The following GSTA3 variants were observed in gnomAD, a reference collection of about 807,000 sequenced individuals.
The protein encoded by GSTA3 is glutathione S-transferase alpha 3, also known as glutathione S-transferase A3.
In GSTA3, 16 loss-of-function variants were observed where a neutral mutation model predicts 23.1. The observed-to-expected ratio is 0.69, with a 90% confidence interval of 0.47 to 1.05. The LOEUF (loss-of-function observed/expected upper bound fraction) is 1.05. GSTA3 is among the 50% of genes least tolerant of loss of function. The pLI, the probability that GSTA3 is intolerant of heterozygous loss-of-function variation, is 0.00. For synonymous variants in GSTA3, 122 were observed against 91.0 expected (o/e 1.34, Z -1.94); for missense variants, 319 against 263.6 (o/e 1.21, Z -1.46).
At chr6:52,904,173 A>C (rs539563028) in intron 2 of GSTA3, among the ~76,000 whole-genome samples, 1 of 151,818 alleles carries the variant, frequency 6.6e-6, no homozygotes, top group South Asian at 2.1e-4. Context: ...TCTATTTTGT[A>C]GTGCTGGGGT....
intron 2 of GSTA3, among the ~76,000 whole-genome samples, chr6:52,904,580 A>G (rs1234797132): frequency 6.6e-6 from 1 of 152,166 alleles, no homozygotes; most frequent in Non-Finnish European, 1.5e-5. Context: ...GGGGCGCGCT[A>G]GAAGTTCCTT....
chr6:52,903,402 A>G (rs1160981462), intron 3 of GSTA3, among the ~76,000 whole-genome samples: 2 of 149,310 alleles, frequency 1.3e-5, no homozygotes, highest in Non-Finnish European at 3.0e-5. Context: ...CCTGGCTAAC[A>G]CGATGAAACC....
chr6:52,908,273 G>T (rs960583806), intron 1 of GSTA3, among the ~76,000 whole-genome samples: 4 of 151,436 alleles, frequency 2.6e-5, no homozygotes, highest in Non-Finnish European at 5.9e-5. Flanking sequence ...TATAATCCCA[G>T]CACTTCGGAA....
At position 52,905,778 on chromosome 6, in the gene GSTA3, G is replaced by T; in HGVS notation, c.57C>A (p.Ile19=). Residue 19 remains isoleucine, a synonymous_variant, in exon 2 of 7, where the codon ATC becomes ATA. Transcript: ENST00000211122. ...CTCCAGCTGCAGCCAAGAGCCACCGGATGGGCTCCATTCTGCCCCGTCCAT... is the reference window on the plus strand; with the variant it reads ...CTCCAGCTGCAGCCAAGAGCCACCGTATGGGCTCCATTCTGCCCCGTCCAT... ...YFNGRGRMEP[I]RWLLAAAGVE... is the part of the protein sequence containing the mutation. The T allele has an allele frequency of 6.2e-7, 1 of 1,609,720 alleles. No individual in the cohort carries two copies.
At chr6:52,897,353 T>C (rs1259608785) in intron 6 of GSTA3, among the ~76,000 whole-genome samples, 2 of 152,254 alleles carry the variant, frequency 1.3e-5, no homozygotes, top group African/African-American at 4.8e-5. Context: ...CAGTGAGAGA[T>C]ACAGGGTTGG....
chr6:52,902,591 C>T (rs2127359717), intron 3 of GSTA3, 113 bp from the exon 4 acceptor site: 1 of 1,102,748 alleles, frequency 9.1e-7, no homozygotes, highest in East Asian at 2.4e-5. Context: ...GAAATTATTG[C>T]CTGCTAACCT....
chr6:52,909,280 T>C (rs1321865876), intron 1 of GSTA3, among the ~76,000 whole-genome samples: 2 of 152,340 alleles, frequency 1.3e-5, no homozygotes, highest in East Asian at 3.9e-4. Context: ...TGTTGACTCC[T>C]GTGAATCACA....
intron 1 of GSTA3, among the ~76,000 whole-genome samples, chr6:52,906,532 T>G (rs995686815): frequency 2.6e-5 from 4 of 152,188 alleles, no homozygotes; most frequent in African/African-American, 9.7e-5. Flanking sequence ...AGAACAAAGC[T>G]GGAGGCATCA....
At chr6:52,908,496 C>A (rs1330726632) in intron 1 of GSTA3, among the ~76,000 whole-genome samples, 1 of 152,014 alleles carries the variant, frequency 6.6e-6, no homozygotes, top group Non-Finnish European at 1.5e-5. Flanking sequence ...GCCTGGGTGA[C>A]AGAATGAGAC....
chr6:52,899,170 C>T (rs189315309), intron 5 of GSTA3, among the ~76,000 whole-genome samples: 131 of 151,934 alleles, frequency 8.6e-4, no homozygotes, highest in African/African-American at 3.1e-3. Context: ...AGCAGGTGAT[C>T]GGAATGAGTC....
intron 3 of GSTA3, among the ~76,000 whole-genome samples, chr6:52,902,857 C>A (rs964504846): frequency 6.6e-6 from 1 of 152,136 alleles, no homozygotes; most frequent in Non-Finnish European, 1.5e-5. Flanking sequence ...TGTTCATGGC[C>A]TTTAAAGTAG....
rs1206084409 is a variant in GSTA3 at position 52,902,455 on chromosome 6, C to T, written c.163G>A (p.Val55Ile). 6.2e-7 allele frequency: 1 copy of T among 1,610,992 alleles called. No homozygotes were observed. The highest frequency in any genetic ancestry group is 1.1e-5 in the South Asian group (1 of 89,754). Residue 55 changes from valine to isoleucine, a missense_variant, in exon 4 of 7, where the codon GTA becomes ATA. Coordinates refer to ENST00000211122, the MANE Select transcript of GSTA3 (RefSeq NM_000847.5). ...RNDGSLMFQQ[V>I]PMVEIDGMKL... ...ATCCCATCAATCTCAACCATTGGTA[C>T]TTGCTGGAACATCAAACTCCCATCT...
intron 1 of GSTA3, among the ~76,000 whole-genome samples, chr6:52,906,450 T>G (rs526092): frequency 0.19 from 28,206 of 152,090 alleles, 4,890 homozygotes; most frequent in African/African-American, 0.41. Flanking sequence ...CTTCACAGAA[T>G]TGGAAAAAAC....
intron 2 of GSTA3, among the ~76,000 whole-genome samples, chr6:52,904,371 G>A (rs1334569260): frequency 6.6e-6 from 1 of 152,186 alleles, no homozygotes; most frequent in Non-Finnish European, 1.5e-5. Context: ...GAAAGGCACT[G>A]AGCTGCAGAG....
intron 4 of GSTA3, among the ~76,000 whole-genome samples, chr6:52,900,916 C>T (rs1765660622): frequency 6.6e-6 from 1 of 152,214 alleles, no homozygotes; most frequent in African/African-American, 2.4e-5. Context: ...TTTCCAATTA[C>T]TCCCATGAAA....
At chr6:52,905,659 G>C (rs1041742698) in intron 2 of GSTA3, 89 bp downstream of exon 2, 14 of 712,316 alleles carry the variant, frequency 2.0e-5, no homozygotes, top group Non-Finnish European at 4.8e-6. Context: ...ATATTCACAG[G>C]TCATCTAGTA....
At chr6:52,906,808 C>T (rs1453254269) in intron 1 of GSTA3, among the ~76,000 whole-genome samples, 3 of 150,180 alleles carry the variant, frequency 2.0e-5, no homozygotes, top group African/African-American at 7.4e-5. Context: ...ATACAAAAAT[C>T]AATTCAAGAT....
intron 2 of GSTA3, 142 bp downstream of exon 2, chr6:52,905,606 C>T: frequency 2.0e-6 from 1 of 501,984 alleles, no homozygotes. Flanking sequence ...AAAATTTGTC[C>T]ATTTTAAAAA....
intron 6 of GSTA3, 69 bp downstream of exon 6, chr6:52,897,756 G>A: frequency 1.9e-6 from 3 of 1,574,298 alleles, no homozygotes; most frequent in Non-Finnish European, 1.7e-6. Context: ...GCCAGTCCAA[G>A]GGCCCAGATA....
Sources: allele counts gnomAD v4.1 joint callset (sites outside exome capture counted in the v4.1 genomes callset), GRCh38; gene constraint gnomAD v4.1.1; transcripts MANE v1.5; gene names NCBI Gene and HGNC (gene_info 2026-07-23, HGNC 2026-07-21).